The following FXN variants were observed in gnomAD, a reference collection of about 807,000 sequenced individuals.
FXN encodes frataxin.
In FXN, 14 loss-of-function variants were observed where a neutral mutation model predicts 22.4. The ratio of observed to expected loss-of-function variants is 0.62; its 90% CI spans 0.41 to 0.98. FXN has a LOEUF of 0.98. Ranked by LOEUF, FXN falls within the 50% of genes least tolerant of loss-of-function variation. The probability of loss-of-function intolerance (pLI) is 0.00; values close to 1 mark genes in which losing one functional copy is unlikely to be tolerated. For missense variants in FXN, 267 were observed against 268.4 expected, an observed-to-expected ratio of 0.99 and a Z score of 0.04; for synonymous variants, 120 against 114.1, an observed-to-expected ratio of 1.05 and a Z score of -0.33.
chr9:69,061,416 G>A (rs1832071153), intron 3 of FXN, among the ~76,000 whole-genome samples: 1 of 152,112 alleles, frequency 6.6e-6, no homozygotes, highest in South Asian at 2.1e-4. Context: ...TGCCCTTTCT[G>A]CTGGATTGTG....
At chr9:69,068,712 G>A (rs1832218318) in intron 4 of FXN, among the ~76,000 whole-genome samples, 2 of 152,330 alleles carry the variant, frequency 1.3e-5, no homozygotes, top group South Asian at 4.1e-4. Context: ...TCGGCCCAAG[G>A]TGAGATCCAC....
chr9:69,076,513 A>C lies in FXN; in HGVS notation c.*3751A>C, dbSNP rs1259464178. 2.0e-6 allele frequency: 2 copies of C among 985,364 alleles called. No homozygotes were observed. The highest frequency in any genetic ancestry group is 2.4e-6 in the Non-Finnish European group (2 of 829,856). 61.0% of individuals were successfully genotyped at this position (985,364 alleles called of 1,614,324 possible). A position where few individuals can be genotyped will look rare whatever the true frequency, so the allele number is the denominator to read the frequency against. ...GCTTATATTTTACTTGATCTTTTGC[A>C]TACCTTCTAAAACTATTTTAGCCAA... On this transcript the variant is annotated 3_prime_UTR_variant, in exon 5 of 5. Coordinates refer to ENST00000484259, the MANE Select transcript of FXN (RefSeq NM_000144.5).
intron 1 of FXN, among the ~76,000 whole-genome samples, chr9:69,041,880 T>C (rs1246707573): frequency 6.6e-6 from 1 of 152,206 alleles, no homozygotes; most frequent in Non-Finnish European, 1.5e-5. Flanking sequence ...CTACCATGAC[T>C]TGTGGTCCAA....
intron 1 of FXN, among the ~76,000 whole-genome samples, chr9:69,037,284 A>AAAAAGAAGAAG (rs544093183): frequency 0.36 from 27,949 of 78,034 alleles, 6,051 homozygotes; most frequent in Non-Finnish European, 0.47. Context: ...AAAAAAAAAA[A>AAAAAGAAGAAG]AAGAAGAAGA....
rs1156947828 is a variant in FXN, at chr9:69,047,933, G to A, written c.263+1451G>A. ...GGGTTTCACCATGTTGGCCAGGCTG[G>A]TCTTGAACTCCTGACCTCAGATGAT... On this transcript the variant is annotated intron_variant, in intron 2 of 4. Transcript: ENST00000484259. Among the ~76,000 whole-genome samples the A allele has an allele frequency of 3.9e-5, 6 of 152,150 alleles. No individual in the cohort carries two copies. The East Asian group carries it at 9.7e-4, about 25-fold the overall frequency.
chr9:69,061,658 A>C (rs1832076129), intron 3 of FXN, among the ~76,000 whole-genome samples: 1 of 151,408 alleles, frequency 6.6e-6, no homozygotes, highest in African/African-American at 2.4e-5. Context: ...TCCTAAAGCT[A>C]TCCCTCCCCC....
chr9:69,053,515 A>AGATG, intron 3 of FXN, among the ~76,000 whole-genome samples: 1 of 106,466 alleles, frequency 9.4e-6, no homozygotes, highest in East Asian at 3.0e-4. Flanking sequence ...ATGGATAGAT[A>AGATG]GATAGATAGA....
At chr9:69,066,967 C>T (rs925612553) in intron 4 of FXN, among the ~76,000 whole-genome samples, 3 of 152,160 alleles carry the variant, frequency 2.0e-5, no homozygotes, top group Non-Finnish European at 4.4e-5. Flanking sequence ...CCACAGGCTC[C>T]CCGGTCCACC....
chr9:69,057,511 A>G (rs1471244698), intron 3 of FXN, among the ~76,000 whole-genome samples: 1 of 152,186 alleles, frequency 6.6e-6, no homozygotes, highest in Non-Finnish European at 1.5e-5. Context: ...CTAACAAATC[A>G]TTTACTAATT....
rs563598648 is a variant in FXN at position 69,045,650 on chromosome 9, G to A, written c.166-735G>A. Among the ~76,000 whole-genome samples, 464 of 152,234 alleles carry A rather than the reference G, an allele frequency of 3.0e-3. 2 individuals are homozygous for A. The highest frequency in any genetic ancestry group is 0.01 in the African/African-American group (436 of 41,548). On this transcript the variant is annotated intron_variant, in intron 1 of 4. Transcript: ENST00000484259. ...TTCAGCATGATTATTTAACCAAAAT[G>A]CAGGTTAGTTGTTCACCGGATGCAG...
At position 69,072,700 on chromosome 9, in the gene FXN, A is replaced by G. The variant is rs200532520; in HGVS notation, c.571A>G (p.Thr191Ala). The G allele has an allele frequency of 6.2e-7, 1 of 1,614,184 alleles. No homozygotes were observed. The change falls in exon 5 of 5, where the codon ACT (threonine) becomes GCT (alanine). Residue 191 changes from threonine to alanine, a missense_variant. By Grantham distance (58) the Thr-to-Ala change is moderately conservative. Transcript: ENST00000484259. ...CCATGAGCTGCTGGCCGCAGAGCTCACTAAAGCCTTAAAAACCAAACTGGA... is the reference window on the plus strand; with the variant it reads ...CCATGAGCTGCTGGCCGCAGAGCTCGCTAAAGCCTTAAAAACCAAACTGGA... ...SLHELLAAEL[T>A]KALKTKLDLS...
rs1006165383 is a variant in FXN at position 69,074,753 on chromosome 9, C to A, written c.*1991C>A. The A allele has an allele frequency of 1.6e-4, 114 of 726,590 alleles. No homozygotes were observed. The highest frequency in any genetic ancestry group is 1.7e-4 in the Non-Finnish European group (104 of 596,796). The allele number at this position is 726,590 out of a possible 1,614,324, so 45.0% of individuals were successfully genotyped here. On this transcript the variant is annotated 3_prime_UTR_variant, in exon 5 of 5. Coordinates refer to ENST00000484259, the MANE Select transcript of FXN (RefSeq NM_000144.5). ...TATCTCTTAAAAAAAGAAAAAAAAA[C>A]CTATTAATAATAAAACAGTATAAAC...
intron 1 of FXN, among the ~76,000 whole-genome samples, chr9:69,040,649 C>T (rs920304714): frequency 6.6e-6 from 1 of 151,960 alleles, no homozygotes; most frequent in South Asian, 2.1e-4. Flanking sequence ...GCCTGGGTGA[C>T]AGAGCGAGAC....
Position 69,077,421 on chromosome 9 carries a change from GA to G in FXN, c.*4662del, listed in dbSNP as rs1423568701. 3 of 985,274 alleles carry G rather than the reference GA, an allele frequency of 3.0e-6. No homozygotes were observed. In the African/African-American group the frequency reaches 5.2e-5, roughly 17 times the overall value. The allele number at this position is 985,274 out of a possible 1,614,324, so 61.0% of individuals were successfully genotyped here. On this transcript the variant is annotated 3_prime_UTR_variant, in exon 5 of 5. Coordinates refer to ENST00000484259, the MANE Select transcript of FXN (RefSeq NM_000144.5). ...TGGAAGGCACCAGAACAGATTTATT[GA>G]AATGTTTATTAGCTGAAGATTTATT... is the stretch of plus-strand genomic sequence containing the variant.
intron 1 of FXN, among the ~76,000 whole-genome samples, chr9:69,039,012 G>A (rs1734737151): frequency 1.3e-5 from 2 of 151,988 alleles, no homozygotes; most frequent in South Asian, 4.2e-4. Context: ...CAGCACTTTG[G>A]GAGGCTGAGA....
chr9:69,069,458 C>T (rs963593695), intron 4 of FXN, among the ~76,000 whole-genome samples: 6 of 152,200 alleles, frequency 3.9e-5, no homozygotes, highest in Non-Finnish European at 8.8e-5. Flanking sequence ...TAAGCGGCTA[C>T]TGTGAGTTCT....
intron 3 of FXN, among the ~76,000 whole-genome samples, chr9:69,055,496 C>CTTT (rs780057588): frequency 3.6e-5 from 5 of 140,546 alleles, no homozygotes; most frequent in Admixed American, 7.1e-5. Flanking sequence ...TCTTCTTCTT[C>CTTT]TTTTTTTTTT....
At chr9:69,063,743 G>C (rs113118272) in intron 3 of FXN, among the ~76,000 whole-genome samples, 1 of 152,092 alleles carries the variant, frequency 6.6e-6, no homozygotes. Context: ...GTGTGTAGTG[G>C]TGTGATCTCA....
rs1832419522 is a variant in FXN, at chr9:69,079,008, A to T, written c.*6246A>T. 1.1e-6 allele frequency: 1 copy of T among 871,210 alleles called. No homozygotes were observed. Among genetic ancestry groups the T allele is most frequent in the South Asian group, 5.3e-5 (1 of 18,866 alleles). The allele number at this position is 871,210 out of a possible 1,614,324, so 54.0% of individuals were successfully genotyped here. A position where few individuals can be genotyped will look rare whatever the true frequency, so the allele number is the denominator to read the frequency against. On this transcript the variant is annotated 3_prime_UTR_variant, in exon 5 of 5. Coordinates refer to ENST00000484259, the MANE Select transcript of FXN (RefSeq NM_000144.5). The stretch of plus-strand genomic sequence containing the variant: ...CCTTGCACACAATTAGAGCTCTATA[A>T]ATGTCAAATAAATGTGTTATAATTA...
Sources: allele counts gnomAD v4.1 joint callset (sites outside exome capture counted in the v4.1 genomes callset), GRCh38; gene constraint gnomAD v4.1.1; transcripts MANE v1.5; gene names NCBI Gene and HGNC (gene_info 2026-07-23, HGNC 2026-07-21).